Variants in RABGAP1L observed in about 807,000 individuals in gnomAD.
RABGAP1L encodes rab GTPase-activating protein 1-like.
In RABGAP1L, 63 loss-of-function variants were observed where a neutral mutation model predicts 137.7. That is an observed-to-expected ratio of 0.46 (90% CI 0.37 to 0.56). The LOEUF is 0.56. Among genes scored for constraint, RABGAP1L ranks in the 20% least tolerant of loss-of-function variants. The pLI is 0.00. For missense variants in RABGAP1L, 1,095 were observed against 1,244.0 expected (o/e 0.88, Z 1.80); for synonymous variants, 431 against 433.7 (o/e 0.99, Z 0.08).
chr1:174,616,896 G>A (rs1376509349), intron 13 of RABGAP1L, among the ~76,000 whole-genome samples: 4 of 152,136 alleles, frequency 2.6e-5, no homozygotes, highest in African/African-American at 9.7e-5. Flanking sequence ...CATCTCACGT[G>A]ATTCTTATAA....
chr1:174,313,113 G>A (rs1008106493), intron 11 of RABGAP1L, among the ~76,000 whole-genome samples: 3 of 152,022 alleles, frequency 2.0e-5, no homozygotes, highest in African/African-American at 7.2e-5. Flanking sequence ...AGTTTTAGTA[G>A]AGACGAGGTT....
At chr1:174,306,728 C>G (rs1004234625) in intron 11 of RABGAP1L, among the ~76,000 whole-genome samples, 5 of 151,906 alleles carry the variant, frequency 3.3e-5, no homozygotes, top group East Asian at 1.9e-4. Flanking sequence ...GGTATCTGCT[C>G]TATTTACTAC....
At chr1:174,580,411 G>A (rs915623526) in intron 13 of RABGAP1L, among the ~76,000 whole-genome samples, 14 of 152,124 alleles carry the variant, frequency 9.2e-5, no homozygotes, top group African/African-American at 2.7e-4. Context: ...ACTGGATTAA[G>A]AAAATGTGGC....
chr1:174,548,954 T>C (rs1198978727), intron 13 of RABGAP1L, among the ~76,000 whole-genome samples: 5 of 152,240 alleles, frequency 3.3e-5, no homozygotes, highest in Non-Finnish European at 7.3e-5. Context: ...CTATTGTGCT[T>C]ATCCCATGAA....
intron 17 of RABGAP1L, among the ~76,000 whole-genome samples, chr1:174,710,356 A>G (rs1359791110): frequency 1.3e-5 from 2 of 152,202 alleles, no homozygotes; most frequent in Non-Finnish European, 2.9e-5. Flanking sequence ...ACAAAGAACA[A>G]CCACAAGACA....
At chr1:174,383,118 G>A (rs1297805920) in intron 12 of RABGAP1L, among the ~76,000 whole-genome samples, 1 of 151,060 alleles carries the variant, frequency 6.6e-6, no homozygotes, top group African/African-American at 2.4e-5. Context: ...CAGGGGTCAG[G>A]GACCCACTTG....
At chr1:174,849,411 A>G (rs1647818483) in intron 19 of RABGAP1L, among the ~76,000 whole-genome samples, 2 of 152,246 alleles carry the variant, frequency 1.3e-5, no homozygotes, top group South Asian at 2.1e-4. Context: ...CTAAAATAAC[A>G]CGCTCTTTTA....
chr1:174,687,038 A>C (rs1678527127), intron 15 of RABGAP1L, among the ~76,000 whole-genome samples: 1 of 152,122 alleles, frequency 6.6e-6, no homozygotes, highest in Non-Finnish European at 1.5e-5. Flanking sequence ...ATATTTATTA[A>C]TGTTCAGTGA....
At chr1:174,554,211 C>T (rs1434708622) in intron 13 of RABGAP1L, among the ~76,000 whole-genome samples, 3 of 152,068 alleles carry the variant, frequency 2.0e-5, no homozygotes, top group South Asian at 2.1e-4. Context: ...GCAAATTGGA[C>T]CAAATTCTTG....
At chr1:174,568,145 C>G (rs1033544919) in intron 13 of RABGAP1L, among the ~76,000 whole-genome samples, 2 of 151,986 alleles carry the variant, frequency 1.3e-5, no homozygotes, top group Admixed American at 6.6e-5. Context: ...GGGGAGCCAG[C>G]GCATCACATG....
intron 14 of RABGAP1L, among the ~76,000 whole-genome samples, chr1:174,679,199 T>C (rs1572780449): frequency 1.3e-5 from 2 of 152,314 alleles, no homozygotes; most frequent in South Asian, 4.1e-4. Flanking sequence ...GTGAGCTCTC[T>C]TTACTACCTG....
At chr1:174,952,353 A>AG (rs1667841072) in intron 19 of RABGAP1L, among the ~76,000 whole-genome samples, 1 of 149,324 alleles carries the variant, frequency 6.7e-6, no homozygotes, top group Non-Finnish European at 1.5e-5. Flanking sequence ...AAAAAAAAAA[A>AG]AAAAAAAAAA....
At chr1:174,737,729 A>G (rs905599399) in intron 17 of RABGAP1L, among the ~76,000 whole-genome samples, 1 of 152,202 alleles carries the variant, frequency 6.6e-6, no homozygotes, top group African/African-American at 2.4e-5. Flanking sequence ...AATTTGGCCC[A>G]TGTTTCTGCA....
At chr1:174,663,093 G>A (rs768572960) in intron 14 of RABGAP1L, among the ~76,000 whole-genome samples, 4 of 152,062 alleles carry the variant, frequency 2.6e-5, no homozygotes, top group African/African-American at 4.8e-5. Context: ...TAGCCTAAGC[G>A]TACAGTATTT....
intron 13 of RABGAP1L, among the ~76,000 whole-genome samples, chr1:174,572,564 G>A (rs985116832): frequency 1.3e-5 from 2 of 152,000 alleles, no homozygotes; most frequent in African/African-American, 4.8e-5. Context: ...TGTATTTTTA[G>A]TAGAGACGGG....
intron 13 of RABGAP1L, among the ~76,000 whole-genome samples, chr1:174,617,364 G>A (rs1164746509): frequency 6.6e-6 from 1 of 152,180 alleles, no homozygotes; most frequent in Non-Finnish European, 1.5e-5. Flanking sequence ...AGGAAAGAAA[G>A]TTGTAATATT....
intron 4 of RABGAP1L, among the ~76,000 whole-genome samples, chr1:174,232,507 G>A (rs922175132): frequency 2.0e-5 from 3 of 151,500 alleles, no homozygotes; most frequent in African/African-American, 7.3e-5. Context: ...AAAGTGGCCG[G>A]GCGCGGTGGC....
intron 19 of RABGAP1L, among the ~76,000 whole-genome samples, chr1:174,879,669 T>C (rs773914894): frequency 2.0e-5 from 3 of 152,228 alleles, no homozygotes; most frequent in Non-Finnish European, 2.9e-5. Flanking sequence ...TATTAATACA[T>C]AGTGATTCAT....
Position 174,559,203 on chromosome 1 carries a change from A to G in RABGAP1L, c.1711-78172A>G, listed in dbSNP as rs181587679. Reference sequence around the variant, plus strand: ...TTACTAATATGTTTTTGAAATAGGTACTATATTTTCTATTGCTCATATTAT... The same window carrying G: ...TTACTAATATGTTTTTGAAATAGGTGCTATATTTTCTATTGCTCATATTAT... On this transcript the variant is annotated intron_variant, in intron 13 of 25. Coordinates refer to ENST00000681986, the MANE Select transcript of RABGAP1L (RefSeq NM_001366446.1). 1.1e-4 allele frequency among the ~76,000 whole-genome samples: 17 copies of G among 152,312 alleles called. No homozygotes were observed. The East Asian group carries it at 3.1e-3, about 28-fold the overall frequency.
Sources: allele counts gnomAD v4.1 joint callset (sites outside exome capture counted in the v4.1 genomes callset), GRCh38; gene constraint gnomAD v4.1.1; transcripts MANE v1.5; gene names NCBI Gene and HGNC (gene_info 2026-07-23, HGNC 2026-07-21).